CCDC171: variants seen among roughly 807,000 people sequenced by gnomAD.
The protein encoded by CCDC171 is coiled-coil domain containing 171, also known as coiled-coil domain-containing protein 171.
CCDC171 carries 177 observed loss-of-function variants against 168.2 expected under a neutral mutation model. That is an observed-to-expected ratio of 1.05 (90% confidence interval 0.93 to 1.19). The LOEUF (loss-of-function observed/expected upper bound fraction) is 1.19, where lower values mean the gene tolerates loss of function less well. Ranked by LOEUF, CCDC171 falls within the 50% of genes most tolerant of loss-of-function variation. The probability of loss-of-function intolerance (pLI) is 0.00; values close to 1 mark genes in which losing one functional copy is unlikely to be tolerated. For synonymous variants in CCDC171, 687 were observed against 540.8 expected, an observed-to-expected ratio of 1.27 and a Z score of -3.75; for missense variants, 1,991 against 1,539.0, an observed-to-expected ratio of 1.29 and a Z score of -4.91.
the CCDC171 span, among the ~76,000 whole-genome samples, chr9:16,099,018 G>A: frequency 6.6e-6 from 1 of 152,074 alleles, no homozygotes; most frequent in African/African-American, 2.4e-5. Context: ...CTTTCATTTG[G>A]GGGAAGATTT....
intron 21 of CCDC171, among the ~76,000 whole-genome samples, chr9:15,837,820 A>C (rs1050001743): frequency 6.6e-6 from 1 of 152,224 alleles, no homozygotes; most frequent in East Asian, 1.9e-4. Context: ...TTATTGCACG[A>C]TGGGAAAGCC....
intron 24 of CCDC171, among the ~76,000 whole-genome samples, chr9:15,917,468 TTATTA>T (rs71325951): frequency 0.13 from 20,310 of 151,588 alleles, 1,719 homozygotes; most frequent in Non-Finnish European, 0.2. Context: ...AAAAATTGGA[TTATTA>T]TATTCTTTTT....
intron 7 of CCDC171, among the ~76,000 whole-genome samples, chr9:15,653,203 C>G (rs1420009895): frequency 6.6e-6 from 1 of 152,074 alleles, no homozygotes; most frequent in Non-Finnish European, 1.5e-5. Flanking sequence ...GCAGTAGCAC[C>G]ATGACAGCTC....
intron 1 of CCDC171, among the ~76,000 whole-genome samples, chr9:16,060,276 CTG>C (rs1372552422): frequency 1.3e-5 from 2 of 152,142 alleles, no homozygotes; most frequent in Non-Finnish European, 2.9e-5. Flanking sequence ...GATGCTGAGA[CTG>C]TGAGAGCCAT....
At chr9:16,014,022 G>A (rs1311783572) in intron 3 of CCDC171, among the ~76,000 whole-genome samples, 1 of 152,164 alleles carries the variant, frequency 6.6e-6, no homozygotes, top group Non-Finnish European at 1.5e-5. Context: ...TGCCACAATG[G>A]TTGACTTGTG....
At chr9:15,603,321 A>G (rs1236320800) in intron 6 of CCDC171, among the ~76,000 whole-genome samples, 6 of 152,136 alleles carry the variant, frequency 3.9e-5, no homozygotes, top group East Asian at 1.9e-4. Flanking sequence ...CACATGTGCC[A>G]TGGTGGTTTG....
chr9:15,791,099 T>G (rs1489985211), intron 21 of CCDC171, among the ~76,000 whole-genome samples: 1 of 152,188 alleles, frequency 6.6e-6, no homozygotes, highest in Non-Finnish European at 1.5e-5. Flanking sequence ...TGGTTCCATA[T>G]GAACTTTGAA....
intron 9 of CCDC171, 32 bp from the exon 10 acceptor site, chr9:15,678,726 G>A: frequency 1.3e-6 from 2 of 1,559,174 alleles, no homozygotes; most frequent in South Asian, 1.2e-5. Context: ...AAGCATGTTT[G>A]AAAAACCTGC....
chr9:15,852,022 A>C (rs2061149850), intron 23 of CCDC171, among the ~76,000 whole-genome samples: 1 of 151,774 alleles, frequency 6.6e-6, no homozygotes, highest in Non-Finnish European at 1.5e-5. Flanking sequence ...GGTTATTATG[A>C]ATAGTGAATG....
chr9:15,702,455 G>A (rs549921835), intron 11 of CCDC171, among the ~76,000 whole-genome samples: 2 of 151,830 alleles, frequency 1.3e-5, no homozygotes, highest in South Asian at 4.2e-4. Context: ...CTCTATAAAT[G>A]CATAGGCAGA....
At chr9:15,578,822 A>T in intron 3 of CCDC171, 27 bp from the exon 4 acceptor site, 1 of 1,591,984 alleles carries the variant, frequency 6.3e-7, no homozygotes, top group Admixed American at 1.7e-5. Flanking sequence ...CTTTGGACAC[A>T]TGTTGATATC....
At chr9:15,808,505 G>A (rs74711656) in intron 21 of CCDC171, among the ~76,000 whole-genome samples, 1 of 152,130 alleles carries the variant, frequency 6.6e-6, no homozygotes, top group Non-Finnish European at 1.5e-5. Flanking sequence ...AAGTGAAGAA[G>A]GGAGAGTGCT....
At chr9:15,768,548 G>C (rs148294373) in intron 18 of CCDC171, among the ~76,000 whole-genome samples, 1 of 152,096 alleles carries the variant, frequency 6.6e-6, no homozygotes, top group Non-Finnish European at 1.5e-5. Flanking sequence ...TTGGACGAGA[G>C]TTATTGAAAT....
chr9:15,608,948 A>G (rs1400133746), intron 6 of CCDC171, among the ~76,000 whole-genome samples: 6 of 145,368 alleles, frequency 4.1e-5, no homozygotes, highest in Admixed American at 3.4e-4. Flanking sequence ...CTGTCTCAAA[A>G]AAAAAAAAAA....
intron 9 of CCDC171, among the ~76,000 whole-genome samples, chr9:15,672,412 A>G (rs892796075): frequency 2.6e-5 from 4 of 152,202 alleles, no homozygotes; most frequent in African/African-American, 4.8e-5. Flanking sequence ...TGTTTTAGTC[A>G]TGAAGTCTTT....
intron 10 of CCDC171, among the ~76,000 whole-genome samples, chr9:15,685,663 C>T (rs1216497951): frequency 1.3e-5 from 2 of 151,800 alleles, no homozygotes; most frequent in African/African-American, 4.8e-5. Context: ...AACCACAATC[C>T]AGCATTTAAA....
intron 7 of CCDC171, among the ~76,000 whole-genome samples, chr9:15,636,108 G>C (rs2046181725): frequency 6.6e-6 from 1 of 151,972 alleles, no homozygotes; most frequent in Non-Finnish European, 1.5e-5. Context: ...TAGCTATTTA[G>C]ACCCTTAGAC....
At chr9:15,724,540 A>T (rs1157050887) in intron 13 of CCDC171, among the ~76,000 whole-genome samples, 1 of 152,270 alleles carries the variant, frequency 6.6e-6, no homozygotes, top group African/African-American at 2.4e-5. Context: ...ATAAGCCATC[A>T]TATTAACATT....
chr9:16,095,172 AG>A, the CCDC171 span, among the ~76,000 whole-genome samples: 3 of 152,282 alleles, frequency 2.0e-5, no homozygotes, highest in Non-Finnish European at 2.9e-5. Context: ...CAGTGTGAGA[AG>A]GGACTAATAT....
Sources: gnomAD v4.1 joint callset for allele counts (sites outside exome capture counted in the v4.1 genomes callset) on GRCh38, gnomAD v4.1.1 for gene constraint, MANE v1.5 for transcripts, NCBI Gene and HGNC (gene_info 2026-07-23, HGNC 2026-07-21) for gene names.